Variants in MED4 observed in about 807,000 individuals in gnomAD.
MED4 encodes the protein mediator of RNA polymerase II transcription subunit 4.
MED4 carries 21 observed loss-of-function variants against 35.0 expected under a neutral mutation model. The ratio of observed to expected loss-of-function variants is 0.60; its 90% CI spans 0.43 to 0.86. MED4 has a LOEUF of 0.86. MED4 is among the 40% of genes least tolerant of loss of function. MED4 has a pLI of 0.00. For synonymous variants in MED4, 138 were observed against 114.0 expected (o/e 1.21, Z -1.34); for missense variants, 300 against 319.4 (o/e 0.94, Z 0.46).
intron 2 of MED4, among the ~76,000 whole-genome samples, chr13:48,088,148 T>C (rs931851635): frequency 1.3e-5 from 2 of 152,218 alleles, no homozygotes; most frequent in Non-Finnish European, 2.9e-5. Context: ...GGCTAGTTAT[T>C]ACGATCACTA....
intron 1 of MED4, among the ~76,000 whole-genome samples, chr13:48,093,086 A>G (rs1255581128): frequency 1.3e-5 from 2 of 152,232 alleles, no homozygotes; most frequent in African/African-American, 4.8e-5. Flanking sequence ...TTCCCAGCAT[A>G]CTGCATTAGA....
chr13:48,090,279 T>C, intron 2 of MED4, 73 bp downstream of exon 2: 2 of 1,177,782 alleles, frequency 1.7e-6, no homozygotes, highest in Non-Finnish European at 2.4e-6. Flanking sequence ...AGAGGAAACT[T>C]GCAGAAATCA....
At chr13:48,078,281 AACCATTT>A (rs143736630) in intron 6 of MED4, among the ~76,000 whole-genome samples, 5,357 of 152,260 alleles carry the variant, frequency 0.035, 210 homozygotes, top group East Asian at 0.097. Flanking sequence ...TGGCCCCTGA[AACCATTT>A]CTCCTTTGCC....
At chr13:48,091,660 T>C (rs1387764141) in intron 1 of MED4, among the ~76,000 whole-genome samples, 1 of 152,250 alleles carries the variant, frequency 6.6e-6, no homozygotes, top group Non-Finnish European at 1.5e-5. Context: ...ATTGAGTGCC[T>C]ATCATGTGCC....
chr13:48,094,618 T>C (rs1171849728), intron 1 of MED4, among the ~76,000 whole-genome samples: 3 of 152,010 alleles, frequency 2.0e-5, no homozygotes, highest in Non-Finnish European at 4.4e-5. Context: ...CATCTGTCTC[T>C]CTCTCGACAG....
At chr13:48,080,636 G>T (rs1468136704) in intron 5 of MED4, among the ~76,000 whole-genome samples, 1 of 151,332 alleles carries the variant, frequency 6.6e-6, no homozygotes, top group Non-Finnish European at 1.5e-5. Flanking sequence ...GTATTTTCTA[G>T]CAAGAAAATG....
intron 4 of MED4, 91 bp downstream of exon 4, chr13:48,083,280 G>T: frequency 2.0e-6 from 2 of 989,868 alleles, no homozygotes; most frequent in South Asian, 1.6e-5. Flanking sequence ...TTCAACAGCA[G>T]CAAATGATTA....
intron 3 of MED4, among the ~76,000 whole-genome samples, chr13:48,085,874 T>C (rs1206925710): frequency 1.3e-5 from 2 of 151,994 alleles, no homozygotes; most frequent in East Asian, 1.9e-4. Context: ...AAAATGTGTA[T>C]ATATTTTTAT....
chr13:48,079,728 CAA>C (rs5803423), intron 6 of MED4, 114 bp downstream of exon 6: 12,238 of 1,108,016 alleles, frequency 0.011, no homozygotes, highest in East Asian at 0.023. Flanking sequence ...CTCAAATTTA[CAA>C]AAAAAAAAAA....
chr13:48,081,689 A>C lies in MED4; in HGVS notation c.464T>G (p.Ile155Ser). 1 of 1,612,544 alleles carries C rather than the reference A, an allele frequency of 6.2e-7. No homozygotes were observed. Among genetic ancestry groups the C allele is most frequent in the Non-Finnish European group, 8.5e-7 (1 of 1,179,372 alleles). Residue 155 changes from isoleucine to serine, a missense_variant, in exon 5 of 7, where the codon ATC becomes AGC. Coordinates refer to ENST00000258648, the MANE Select transcript of MED4 (RefSeq NM_014166.4). ...SEEIIKYAHRISASNAVCAPL... is the reference protein window; with the variant it reads ...SEEIIKYAHRSSASNAVCAPL... ...AGCACATACAGCATTACTTGCACTG[A>C]TCCTATGTGCATACTTAATTATTTC... is the stretch of plus-strand genomic sequence containing the variant.
intron 6 of MED4, 53 bp downstream of exon 6, chr13:48,079,791 T>G (rs1950790555): frequency 6.3e-7 from 1 of 1,579,634 alleles, no homozygotes; most frequent in Non-Finnish European, 8.6e-7. Context: ...TCCAACCTTG[T>G]CATCTCTGGA....
In MED4 at chr13:48,078,460, G is replaced by A. The variant is rs75664162; in HGVS notation, c.641-1149C>T. Among the ~76,000 whole-genome samples, 102 of 152,230 alleles carry A rather than the reference G, an allele frequency of 6.7e-4. No individual in the cohort carries two copies. The East Asian group carries it at 0.019, about 29-fold the overall frequency. ...GTTCACCACAGCAACTTTCGGTGGCGCCTCTAAAGGTGGTTTCCTAGCAGG... is the reference window on the plus strand; with the variant it reads ...GTTCACCACAGCAACTTTCGGTGGCACCTCTAAAGGTGGTTTCCTAGCAGG... On this transcript the variant is annotated intron_variant, in intron 6 of 6. Transcript: ENST00000258648.
At chr13:48,077,853 A>C (rs1030092631) in intron 6 of MED4, among the ~76,000 whole-genome samples, 3 of 152,048 alleles carry the variant, frequency 2.0e-5, no homozygotes, top group Non-Finnish European at 4.4e-5. Flanking sequence ...AGTTGACATA[A>C]TTTTTCTTTT....
Position 48,095,021 on chromosome 13 carries a change from C to T in MED4, c.58G>A (p.Val20Met), listed in dbSNP as rs377535266. ...TCTCGTGTGCTGTTACCACCCGCCA[C>T]TCCCAAACCGCCTCCCAGCCGCTCC... ...EKERLGGGLG[V>M]AGGNSTRERL... Residue 20 changes from valine to methionine, a missense_variant, in exon 1 of 7, where the codon GTG (valine) becomes ATG (methionine). Transcript: ENST00000258648. 1.2e-6 allele frequency: 2 copies of T among 1,606,328 alleles called. No individual in the cohort carries two copies. The highest frequency in any genetic ancestry group is 2.2e-5 in the South Asian group (2 of 91,090).
chr13:48,093,592 C>A, intron 1 of MED4: 2 of 470,416 alleles, frequency 4.3e-6, no homozygotes, highest in South Asian at 3.1e-5. Context: ...AGTCACACCA[C>A]CAGAGCAGCT....
chr13:48,078,754 T>C (rs1439964959), intron 6 of MED4, among the ~76,000 whole-genome samples: 1 of 152,174 alleles, frequency 6.6e-6, no homozygotes, highest in African/African-American at 2.4e-5. Context: ...TCCTGTACTT[T>C]TAAAACATGA....
In MED4 at chr13:48,079,883, G is replaced by T. The variant is rs749920833; in HGVS notation, c.601C>A (p.His201Asn). 11 of 1,613,780 alleles carry T rather than the reference G, an allele frequency of 6.8e-6. No homozygotes were observed. The highest frequency in any genetic ancestry group is 9.3e-6 in the Non-Finnish European group (11 of 1,179,856). The change falls in exon 6 of 7, where the codon CAT becomes AAT. Residue 201 changes from histidine to asparagine, a missense_variant. By Grantham distance (68) the His-to-Asn change is moderately conservative. Coordinates refer to ENST00000258648, the MANE Select transcript of MED4 (RefSeq NM_014166.4). ...NNPSTNGVNG[H>N]LPGDALAAGR... ...GCTGCAAGTGCATCTCCTGGTAAAT[G>T]GCCATTCACGCCATTAGTGGAAGGA... is the stretch of plus-strand genomic sequence containing the variant.
Position 48,076,984 on chromosome 13 carries a change from A to T in MED4, c.*155T>A. On this transcript the variant is annotated 3_prime_UTR_variant, in exon 7 of 7. Coordinates refer to ENST00000258648, the MANE Select transcript of MED4 (RefSeq NM_014166.4). ...CTATGGTCTTTGGCTTTAAAAAGAA[A>T]GTCAAAAAATTTTGACTTTTAATGA... 1 of 580,854 alleles carries T rather than the reference A, an allele frequency of 1.7e-6. No individual in the cohort carries two copies. The highest frequency in any genetic ancestry group is 2.8e-6 in the Non-Finnish European group (1 of 361,966). 36.0% of individuals were successfully genotyped at this position (580,854 alleles called of 1,614,324 possible).
intron 1 of MED4, among the ~76,000 whole-genome samples, chr13:48,094,368 A>C (rs1950910809): frequency 6.6e-6 from 1 of 152,176 alleles, no homozygotes; most frequent in Non-Finnish European, 1.5e-5. Context: ...ATCTAATTTC[A>C]TCTCCTATCT....
Sources: gnomAD v4.1 joint callset for allele counts (sites outside exome capture counted in the v4.1 genomes callset) on GRCh38, gnomAD v4.1.1 for gene constraint, MANE v1.5 for transcripts, NCBI Gene and HGNC (gene_info 2026-07-23, HGNC 2026-07-21) for gene names.